SLC14A2: variants seen among roughly 807,000 people sequenced by gnomAD.
SLC14A2 encodes the protein solute carrier family 14 member 2.
Under a neutral mutation model 104.6 loss-of-function variants are expected in SLC14A2, and 91 were observed. The observed-to-expected ratio is 0.87, with a 90% confidence interval of 0.73 to 1.04. SLC14A2 has a LOEUF of 1.04. Among genes scored for constraint, SLC14A2 ranks in the 50% least tolerant of loss-of-function variants. The pLI is 0.00. For synonymous variants in SLC14A2, 476 were observed against 466.4 expected (o/e 1.02, Z -0.27); for missense variants, 1,189 against 1,156.0 (o/e 1.03, Z -0.41).
chr18:45,356,949 G>A (rs984056264), intron 1 of SLC14A2, among the ~76,000 whole-genome samples: 3 of 152,186 alleles, frequency 2.0e-5, no homozygotes, highest in African/African-American at 4.8e-5. Context: ...GGACCACCAC[G>A]GGGGCACCAG....
intron 2 of SLC14A2, among the ~76,000 whole-genome samples, chr18:45,604,698 A>G (rs1331522608): frequency 6.6e-6 from 1 of 152,242 alleles, no homozygotes; most frequent in Non-Finnish European, 1.5e-5. Context: ...TTCTTTAAAT[A>G]TAAATTACAT....
chr18:45,363,266 C>T (rs1161866133), intron 1 of SLC14A2, among the ~76,000 whole-genome samples: 1 of 152,076 alleles, frequency 6.6e-6, no homozygotes, highest in Non-Finnish European at 1.5e-5. Context: ...GGCTCACTTT[C>T]GGGTCCTTAG....
At chr18:45,392,940 A>G (rs2085987678) in intron 1 of SLC14A2, among the ~76,000 whole-genome samples, 1 of 152,188 alleles carries the variant, frequency 6.6e-6, no homozygotes, top group Non-Finnish European at 1.5e-5. Flanking sequence ...CTCCCCTTAT[A>G]CCTTATGTGA....
the SLC14A2 span, among the ~76,000 whole-genome samples, chr18:45,172,972 T>G: frequency 3.3e-5 from 5 of 152,090 alleles, no homozygotes; most frequent in Non-Finnish European, 7.4e-5. Flanking sequence ...CTTTTTGAGT[T>G]TCAGTTTCTT....
chr18:45,289,600 A>C (rs897017166), intron 1 of SLC14A2, among the ~76,000 whole-genome samples: 1 of 152,110 alleles, frequency 6.6e-6, no homozygotes, highest in African/African-American at 2.4e-5. Context: ...ATTTTGACTA[A>C]ATTTCTGGAA....
At chr18:45,389,367 G>GCT (rs895029227) in intron 1 of SLC14A2, among the ~76,000 whole-genome samples, 1 of 152,106 alleles carries the variant, frequency 6.6e-6, no homozygotes, top group Non-Finnish European at 1.5e-5. Context: ...AAGTAACATA[G>GCT]CTCTCTCTCT....
intron 1 of SLC14A2, among the ~76,000 whole-genome samples, chr18:45,344,149 G>A (rs1192342790): frequency 6.6e-6 from 1 of 151,256 alleles, no homozygotes; most frequent in Non-Finnish European, 1.5e-5. Flanking sequence ...ATGCCCCATA[G>A]TACCTGACAA....
intron 2 of SLC14A2, chr18:45,529,801 G>T (rs1220197376): frequency 6.6e-6 from 1 of 152,112 alleles, no homozygotes; most frequent in African/African-American, 2.4e-5. Flanking sequence ...GCCCTTTGGT[G>T]GGGGGCTATC....
chr18:45,664,355 GGAAAGT>G (rs1568000055), intron 11 of SLC14A2, among the ~76,000 whole-genome samples: 1 of 152,238 alleles, frequency 6.6e-6, no homozygotes, highest in Admixed American at 6.5e-5. Flanking sequence ...CCCATGGTGG[GGAAAGT>G]GCTGCCAAAG....
chr18:45,556,991 A>G (rs2044140923), intron 2 of SLC14A2, among the ~76,000 whole-genome samples: 1 of 152,234 alleles, frequency 6.6e-6, no homozygotes, highest in Non-Finnish European at 1.5e-5. Context: ...TGCAAATCTG[A>G]GTCCAACCAG....
intron 10 of SLC14A2, among the ~76,000 whole-genome samples, chr18:45,654,506 C>T (rs1446208741): frequency 6.6e-6 from 1 of 152,192 alleles, no homozygotes; most frequent in Non-Finnish European, 1.5e-5. Context: ...AACAAAACCA[C>T]TTAATTCTTC....
At chr18:45,490,822 C>T (rs1037215570) in intron 2 of SLC14A2, among the ~76,000 whole-genome samples, 20 of 152,078 alleles carry the variant, frequency 1.3e-4, no homozygotes, top group African/African-American at 4.6e-4. Context: ...TTAAAGCAGG[C>T]AGTTCACAGA....
intron 1 of SLC14A2, among the ~76,000 whole-genome samples, chr18:45,415,269 G>A (rs979135078): frequency 1.3e-5 from 2 of 152,078 alleles, no homozygotes; most frequent in Non-Finnish European, 1.5e-5. Flanking sequence ...CCTGGGGTCA[G>A]GGGGTGTGTT....
chr18:45,325,734 A>G (rs1262822199), intron 1 of SLC14A2, among the ~76,000 whole-genome samples: 1 of 152,180 alleles, frequency 6.6e-6, no homozygotes, highest in Non-Finnish European at 1.5e-5. Flanking sequence ...TACTAGAAGT[A>G]AAGGTGACCT....
intron 6 of SLC14A2, among the ~76,000 whole-genome samples, chr18:45,638,473 T>A (rs1245308227): frequency 1.3e-5 from 2 of 152,164 alleles, no homozygotes; most frequent in African/African-American, 2.4e-5. Flanking sequence ...ACTAAATTAT[T>A]CCCAACATCT....
chr18:45,571,850 A>G (rs1302599864), intron 2 of SLC14A2, among the ~76,000 whole-genome samples: 1 of 152,218 alleles, frequency 6.6e-6, no homozygotes, highest in African/African-American at 2.4e-5. Flanking sequence ...TGAGTAAAAT[A>G]TAATATGGGT....
chr18:45,389,647 G>A (rs1462445045), intron 1 of SLC14A2, among the ~76,000 whole-genome samples: 1 of 152,268 alleles, frequency 6.6e-6, no homozygotes, highest in East Asian at 1.9e-4. Context: ...GAGCTAAAAG[G>A]TGCTTTATAT....
intron 1 of SLC14A2, among the ~76,000 whole-genome samples, chr18:45,392,648 A>G (rs1181928164): frequency 6.6e-6 from 1 of 152,238 alleles, no homozygotes; most frequent in African/African-American, 2.4e-5. Flanking sequence ...ACATCTATAC[A>G]TATATACCTA....
At chr18:45,676,583 G>A (rs1334150178) in intron 18 of SLC14A2, among the ~76,000 whole-genome samples, 4 of 152,168 alleles carry the variant, frequency 2.6e-5, no homozygotes, top group Non-Finnish European at 5.9e-5. Flanking sequence ...ATTTTTCTGT[G>A]TCATACCTGA....
Sources: allele counts gnomAD v4.1 joint callset (sites outside exome capture counted in the v4.1 genomes callset), GRCh38; gene constraint gnomAD v4.1.1; transcripts MANE v1.5; gene names NCBI Gene and HGNC (gene_info 2026-07-23, HGNC 2026-07-21).